Variants in ARMCX3 observed in about 807,000 individuals in gnomAD.
ARMCX3 encodes the protein armadillo repeat containing X-linked 3, also known as armadillo repeat-containing X-linked protein 3.
A neutral mutation model predicts 12.6 loss-of-function variants in ARMCX3; 3 were observed. The ratio of observed to expected loss-of-function variants is 0.24; its 90% confidence interval spans 0.11 to 0.61. ARMCX3 has a LOEUF of 0.61. Ranked by LOEUF, ARMCX3 falls within the 20% of genes least tolerant of loss-of-function variation. The pLI is 0.88. For synonymous variants in ARMCX3, 102 were observed against 103.1 expected, an observed-to-expected ratio of 0.99 and a Z score of 0.06; for missense variants, 204 against 286.1, an observed-to-expected ratio of 0.71 and a Z score of 2.07.
chrX:101,625,462 T>G lies in ARMCX3; in HGVS notation c.483T>G (p.Asp161Glu). Residue 161 changes from aspartate (D) to glutamate (E), a missense_variant, in exon 5 of 5, where the codon GAT (aspartate) becomes GAG (glutamate). Coordinates refer to ENST00000471229, the MANE Select transcript of ARMCX3 (RefSeq NM_177947.3). ...CATTTAACAGAGATATTATTCGTGA[T>G]CTGGGTGGTCTCCCAATTGTCGCAA... ...AYAFNRDIIR[D>E]LGGLPIVAKI... is the part of the protein sequence containing the mutation. 1.7e-6 allele frequency: 2 copies of G among 1,208,254 alleles called. No individual in the cohort carries two copies. The highest frequency in any genetic ancestry group is 2.2e-6 in the Non-Finnish European group (2 of 893,972).
chrX:101,624,960 C>G lies in ARMCX3; in HGVS notation c.-20C>G, dbSNP rs200640542. ...TGACTACTCTATTCCTTGGTCCCTG[C>G]TATTGTCGGGGACGATTGCATGGGC... On this transcript the variant is annotated 5_prime_UTR_variant, in exon 5 of 5. Transcript: ENST00000471229. 3.6e-6 allele frequency: 4 copies of G among 1,119,003 alleles called. No individual in the cohort carries two copies. The East Asian group carries it at 1.2e-4, about 35-fold the overall frequency. 92.2% of individuals were successfully genotyped at this position (1,119,003 alleles called of 1,213,427 possible). A position where few individuals can be genotyped will look rare whatever the true frequency, so the allele number is the denominator to read the frequency against.
intron 1 of ARMCX3, chrX:101,623,559 G>T (rs1188909116): frequency 1.8e-5 from 2 of 112,769 alleles, no homozygotes; most frequent in Non-Finnish European, 3.8e-5. Context: ...GGACAGTGCC[G>T]GAGGGGAATG....
At chrX:101,624,414 G>A (rs1242683517) in intron 3 of ARMCX3, 66 bp from the exon 4 acceptor site, 1 of 112,172 alleles carries the variant, frequency 8.9e-6, no homozygotes, top group East Asian at 2.8e-4. Context: ...GGTGAATCAG[G>A]AAAGCAACGA....
In ARMCX3 at chrX:101,624,886, C is replaced by G; in HGVS notation, c.-94C>G. The G allele has an allele frequency of 2.4e-6, 2 of 849,929 alleles. No homozygotes were observed. Among genetic ancestry groups the G allele is most frequent in the Non-Finnish European group, 3.2e-6 (2 of 631,484 alleles). 70.0% of individuals were successfully genotyped at this position (849,929 alleles called of 1,213,427 possible). A position where few individuals can be genotyped will look rare whatever the true frequency, so the allele number is the denominator to read the frequency against. On this transcript the variant is annotated 5_prime_UTR_variant, in exon 5 of 5. Transcript: ENST00000471229. ...CCTTGAAGTGGCTGAAGACGATCAC[C>G]CTCCACAGGCTTGAGCCCAGTCCCA...
chrX:101,625,878 A>G lies in ARMCX3; in HGVS notation c.899A>G (p.Glu300Gly). 8.3e-7 allele frequency: 1 copy of G among 1,206,050 alleles called. No individual in the cohort carries two copies. The highest frequency in any genetic ancestry group is 1.8e-5 in the South Asian group (1 of 55,661). Reference protein sequence around the residue: ...GSLFNKKENKEVILKLLVIFE... With the variant: ...GSLFNKKENKGVILKLLVIFE... ...CTCTTTAATAAGAAGGAGAACAAAG[A>G]AGTTATTCTTAAACTTCTGGTCATA... is the stretch of plus-strand genomic sequence containing the variant. Residue 300 changes from glutamate (E) to glycine (G), a missense_variant, in exon 5 of 5, where the codon GAA becomes GGA. By Grantham distance (98) the Glu-to-Gly change is moderately conservative (BLOSUM62 -2). Transcript: ENST00000471229.
rs1369337071 is a variant in ARMCX3, at chrX:101,626,805, G to A, written c.*686G>A. 8.1e-6 allele frequency: 1 copy of A among 123,362 alleles called. No individual in the cohort carries two copies. Among genetic ancestry groups the A allele is most frequent in the Non-Finnish European group, 1.9e-5 (1 of 53,269 alleles). The allele number at this position is 123,362 out of a possible 1,213,427, so 10.2% of individuals were successfully genotyped here. A position where few individuals can be genotyped will look rare whatever the true frequency, so the allele number is the denominator to read the frequency against. On this transcript the variant is annotated 3_prime_UTR_variant, in exon 5 of 5. Transcript: ENST00000471229. ...ATGACAGGAGATCATTCTGCTTAGA[G>A]TGGAGAGTGTGGAGAGTGGGAGTAG...
chrX:101,626,199 C>A lies in ARMCX3; in HGVS notation c.*80C>A. On this transcript the variant is annotated 3_prime_UTR_variant, in exon 5 of 5. Coordinates refer to ENST00000471229, the MANE Select transcript of ARMCX3 (RefSeq NM_177947.3). Reference sequence around the variant, plus strand: ...CACCTTGTTTATATGGTAAAGGAATCCTTTCAGCTGCCAGTTTTGAATAAT... The same window carrying A: ...CACCTTGTTTATATGGTAAAGGAATACTTTCAGCTGCCAGTTTTGAATAAT... The A allele has an allele frequency of 1.1e-6, 1 of 886,262 alleles. No individual in the cohort carries two copies. The highest frequency in any genetic ancestry group is 1.6e-6 in the Non-Finnish European group (1 of 643,061). The allele number at this position is 886,262 out of a possible 1,213,427, so 73.0% of individuals were successfully genotyped here. A position where few individuals can be genotyped will look rare whatever the true frequency, so the allele number is the denominator to read the frequency against.
At position 101,625,759 on chromosome X, in the gene ARMCX3, A is replaced by G. The variant is rs1370330667; in HGVS notation, c.780A>G (p.Lys260=). The change falls in exon 5 of 5, where the codon AAA becomes AAG. Residue 260 remains lysine, a synonymous_variant. Transcript: ENST00000471229. ...RLFSAGNEET[K]LQVLKLLLNL... ...TTTCAGCGGGAAATGAAGAAACCAA[A>G]CTTCAGGTTCTGAAACTCCTTTTGA... 4.2e-6 allele frequency: 5 copies of G among 1,177,366 alleles called. No homozygotes were observed. The Admixed American group carries it at 1.1e-4, about 25-fold the overall frequency.
rs781854858 is a variant in ARMCX3, at chrX:101,625,277, C to T, written c.298C>T (p.Arg100Trp). ...ARARARARAT[R>W]ARRAVQKRAS... The stretch of plus-strand genomic sequence containing the variant: ...GGCCAGGGCAAGGGCCAGGGCTACC[C>T]GGGCACGTCGGGCTGTCCAGAAACG... Residue 100 changes from arginine to tryptophan, a missense_variant, in exon 5 of 5, where the codon CGG (arginine) becomes TGG (tryptophan). Arg to Trp is a moderately radical substitution (Grantham distance 101). Transcript: ENST00000471229. 76 of 1,205,458 alleles carry T rather than the reference C, an allele frequency of 6.3e-5. No individual in the cohort carries two copies. Among genetic ancestry groups the T allele is most frequent in the South Asian group, 1.8e-5 (1 of 55,574 alleles).
At position 101,625,328 on chromosome X, in the gene ARMCX3, G is replaced by A. The variant is rs903185505; in HGVS notation, c.349G>A (p.Val117Ile). The part of the protein sequence containing the change: ...KRASPNSDDT[V>I]LSPQELQKVL... ...GGCTTCCCCCAATTCAGATGATACC[G>A]TTTTGTCCCCTCAAGAGCTACAAAA... Residue 117 changes from valine (V) to isoleucine (I), a missense_variant, in exon 5 of 5, where the codon GTT becomes ATT. Transcript: ENST00000471229. 5 of 1,209,605 alleles carry A rather than the reference G, an allele frequency of 4.1e-6. No individual in the cohort carries two copies. The African/African-American group carries it at 5.2e-5, about 13-fold the overall frequency.
In ARMCX3 at chrX:101,625,431, C is replaced by T. The variant is rs781963129; in HGVS notation, c.452C>T (p.Ala151Val). 2.3e-5 allele frequency: 28 copies of T among 1,203,276 alleles called. No homozygotes were observed. The highest frequency in any genetic ancestry group is 3.0e-5 in the Non-Finnish European group (27 of 891,762). ...TTAATTGCTCTGGGTAACAATGCTG[C>T]TTATGCATTTAACAGAGATATTATT... ...AALIALGNNA[A>V]YAFNRDIIRD... Residue 151 changes from alanine to valine, a missense_variant, in exon 5 of 5, where the codon GCT becomes GTT. Physicochemically the swap from Ala to Val is moderately conservative, Grantham distance 64. Coordinates refer to ENST00000471229, the MANE Select transcript of ARMCX3 (RefSeq NM_177947.3).
rs1935941330 is a variant in ARMCX3 at position 101,623,804 on chromosome X, G to A, written c.-358-10G>A. ...TGTCTAGTGGGTCCAAGCCTCTCCC[G>A]GGTGGCCAGTCTTTCTGTAGGTTGC... is the stretch of plus-strand genomic sequence containing the variant. On this transcript the variant is annotated splice_polypyrimidine_tract_variant and intron_variant, in intron 1 of 4. Coordinates refer to ENST00000471229, the MANE Select transcript of ARMCX3 (RefSeq NM_177947.3). 1 of 110,959 alleles carries A rather than the reference G, an allele frequency of 9.0e-6. No homozygotes were observed. The highest frequency in any genetic ancestry group is 3.9e-4 in the South Asian group (1 of 2,565). 9.1% of individuals were successfully genotyped at this position (110,959 alleles called of 1,213,427 possible).
rs1556038990 is a variant in ARMCX3 at position 101,626,838 on chromosome X, T to G, written c.*719T>G. ...TGTGGAGAGTGGGAGTAGATAATTT[T>G]GGAAAGCTGGGTGAAGCCAGTTGTG... On this transcript the variant is annotated 3_prime_UTR_variant, in exon 5 of 5. Transcript: ENST00000471229. 8.1e-6 allele frequency: 1 copy of G among 123,077 alleles called. No individual in the cohort carries two copies. The highest frequency in any genetic ancestry group is 3.3e-5 in the African/African-American group (1 of 30,683). The allele number at this position is 123,077 out of a possible 1,213,427, so 10.1% of individuals were successfully genotyped here. A position where few individuals can be genotyped will look rare whatever the true frequency, so the allele number is the denominator to read the frequency against.
In ARMCX3 at chrX:101,624,931, T is replaced by C; in HGVS notation, c.-49T>C. On this transcript the variant is annotated 5_prime_UTR_variant, in exon 5 of 5. Coordinates refer to ENST00000471229, the MANE Select transcript of ARMCX3 (RefSeq NM_177947.3). ...GTCCCACAGCCTTCCTCCCCCAGCC[T>C]GAGTGACTACTCTATTCCTTGGTCC... The C allele has an allele frequency of 9.4e-7, 1 of 1,066,810 alleles. No homozygotes were observed. Among genetic ancestry groups the C allele is most frequent in the Non-Finnish European group, 1.2e-6 (1 of 817,569 alleles). The allele number at this position is 1,066,810 out of a possible 1,213,427, so 87.9% of individuals were successfully genotyped here.
intron 4 of ARMCX3, 97 bp downstream of exon 4, chrX:101,624,647 G>T (rs1476972072): frequency 5.1e-6 from 1 of 194,734 alleles, no homozygotes; most frequent in African/African-American, 3.0e-5. Flanking sequence ...CATTATCTAG[G>T]CTTTGGGCGG....
chrX:101,624,295 T>A (rs1935949487), intron 3 of ARMCX3, 77 bp downstream of exon 3: 1 of 110,865 alleles, frequency 9.0e-6, no homozygotes, highest in Admixed American at 9.6e-5. Flanking sequence ...GCTCTTCCAA[T>A]CCTGCTTTAT....
In ARMCX3 at chrX:101,627,084, C is replaced by T. The variant is rs1354792875; in HGVS notation, c.*965C>T. On this transcript the variant is annotated 3_prime_UTR_variant, in exon 5 of 5. Transcript: ENST00000471229. ...TCCTAAGGAAGTAATTGAATAATTG[C>T]CCAAAGATTGTATGTATGAGGCTGT... 2 of 122,845 alleles carry T rather than the reference C, an allele frequency of 1.6e-5. No individual in the cohort carries two copies. Among genetic ancestry groups the T allele is most frequent in the East Asian group, 5.6e-4 (2 of 3,565 alleles). The allele number at this position is 122,845 out of a possible 1,213,427, so 10.1% of individuals were successfully genotyped here. A position where few individuals can be genotyped will look rare whatever the true frequency, so the allele number is the denominator to read the frequency against.
intron 4 of ARMCX3, 126 bp from the exon 5 acceptor site, chrX:101,624,708 C>T: frequency 7.4e-6 from 2 of 271,647 alleles, no homozygotes; most frequent in Non-Finnish European, 1.3e-5. Context: ...ATAGAGATTT[C>T]GTCAACAATC....
chrX:101,623,971 G>A (rs1348447525), intron 2 of ARMCX3, 78 bp downstream of exon 2: 2 of 111,123 alleles, frequency 1.8e-5, no homozygotes, highest in Non-Finnish European at 3.8e-5. Context: ...TAATAATCTA[G>A]GTACATGTCT....
Sources: allele counts gnomAD v4.1 joint callset, GRCh38; gene constraint gnomAD v4.1.1; transcripts MANE v1.5; gene names NCBI Gene and HGNC (gene_info 2026-07-23, HGNC 2026-07-21).